SCUBE1: variants seen among roughly 807,000 people sequenced by gnomAD.
SCUBE1 encodes the protein signal peptide, CUB and EGF-like domain-containing protein 1.
SCUBE1 carries 59 observed loss-of-function variants against 124.4 expected under a neutral mutation model. That is an observed-to-expected ratio of 0.47 (90% CI 0.38 to 0.59). SCUBE1 has a LOEUF of 0.59. Among genes scored for constraint, SCUBE1 ranks in the 20% least tolerant of loss-of-function variants. The probability of loss-of-function intolerance (pLI) is 0.00; values close to 1 mark genes in which losing one functional copy is unlikely to be tolerated. For synonymous variants in SCUBE1, 545 were observed against 550.9 expected, an observed-to-expected ratio of 0.99 and a Z score of 0.15; for missense variants, 1,150 against 1,371.2, an observed-to-expected ratio of 0.84 and a Z score of 2.55.
rs35852531 is a variant in SCUBE1, at chr22:43,211,520, CTTTT to C, written c.2222-441_2222-438del. On this transcript the variant is annotated intron_variant, in intron 17 of 21. Transcript: ENST00000360835. The surrounding 1 kb of genome is among the most constrained non-coding windows in gnomAD (Gnocchi z 4.5). ...GGCGGGGGGCTAGAGATGGGCAATTCTTTTTTTTTTTTTTTGAGATGGAGCTCGC... is the reference window on the plus strand; with the variant it reads ...GGCGGGGGGCTAGAGATGGGCAATTCTTTTTTTTTTTGAGATGGAGCTCGC... Among the ~76,000 whole-genome samples, 1 of 136,998 alleles carries C rather than the reference CTTTT, an allele frequency of 7.3e-6. No homozygotes were observed. The highest frequency in any genetic ancestry group is 1.6e-5 in the Non-Finnish European group (1 of 63,388). 89.9% of individuals were successfully genotyped at this position (136,998 alleles called of 152,430 possible). A position where few individuals can be genotyped will look rare whatever the true frequency, so the allele number is the denominator to read the frequency against.
Position 43,234,713 on chromosome 22 carries a change from C to G in SCUBE1, c.845-2838G>C, listed in dbSNP as rs961085306. ...GGGTTCCCACCCCACCGCCCCACAC[C>G]AGGCAGCCAGCACCACCTTCCGCAC... On this transcript the variant is annotated intron_variant, in intron 7 of 21. Transcript: ENST00000360835. The surrounding 1 kb of genome is among the most constrained non-coding windows in gnomAD (Gnocchi z 4.4). Among the ~76,000 whole-genome samples the G allele has an allele frequency of 2.6e-5, 4 of 152,214 alleles. No homozygotes were observed. The highest frequency in any genetic ancestry group is 9.6e-5 in the African/African-American group (4 of 41,452).
chr22:43,235,756 C>T (rs1922735005), intron 7 of SCUBE1, among the ~76,000 whole-genome samples: 1 of 152,200 alleles, frequency 6.6e-6, no homozygotes, highest in Admixed American at 6.5e-5. Context: ...CAACTCCTCA[C>T]TTGCCAACGG....
chr22:43,292,633 CAT>C (rs1241318950), intron 3 of SCUBE1, among the ~76,000 whole-genome samples: 4 of 150,252 alleles, frequency 2.7e-5, no homozygotes, highest in African/African-American at 9.9e-5. Context: ...TTCTTTTTAA[CAT>C]AGACATCTTT....
Position 43,230,977 on chromosome 22 carries a change from C to A in SCUBE1, c.967+776G>T, listed in dbSNP as rs545213512. On this transcript the variant is annotated intron_variant, in intron 8 of 21. Coordinates refer to ENST00000360835, the MANE Select transcript of SCUBE1 (RefSeq NM_173050.5). ...CCCCGTGGGCAAAAAACCACCAGAG[C>A]ACAGCTGGATAATCGTCAGGGAAAG... Among the ~76,000 whole-genome samples, 9 of 152,342 alleles carry A rather than the reference C, an allele frequency of 5.9e-5. 1 individual carries two copies. The South Asian group carries it at 1.9e-3, about 32-fold the overall frequency.
chr22:43,306,033 G>A (rs1159249498), intron 3 of SCUBE1, among the ~76,000 whole-genome samples: 27 of 152,226 alleles, frequency 1.8e-4, no homozygotes, highest in Non-Finnish European at 4.4e-5. Context: ...GCTGGAACCT[G>A]TCCCGGTGCT....
Position 43,291,170 on chromosome 22 carries a change from C to T in SCUBE1, c.360G>A (p.Glu120=). 2.5e-6 allele frequency: 4 copies of T among 1,609,906 alleles called. No individual in the cohort carries two copies. The highest frequency in any genetic ancestry group is 3.4e-6 in the Non-Finnish European group (4 of 1,176,424). Residue 120 remains glutamate (E), a synonymous_variant, in exon 4 of 22, where the codon GAG becomes GAA. Coordinates refer to ENST00000360835, the MANE Select transcript of SCUBE1 (RefSeq NM_173050.5). ...GGCAGCCACCATTATTGTCCTGACA[C>T]TCGTCCACATCTGTGAGAAAAGGAA... is the stretch of plus-strand genomic sequence containing the variant. ...HDGHNCLDVD[E]CQDNNGGCQQ...
At chr22:43,287,758 G>A (rs1223080241) in intron 4 of SCUBE1, among the ~76,000 whole-genome samples, 1 of 152,242 alleles carries the variant, frequency 6.6e-6, no homozygotes, top group Non-Finnish European at 1.5e-5. Context: ...GGAGCTATGG[G>A]AATCAGAGGT....
At chr22:43,225,572 C>T (rs939848298) in intron 10 of SCUBE1, among the ~76,000 whole-genome samples, 3 of 150,304 alleles carry the variant, frequency 2.0e-5, no homozygotes, top group Non-Finnish European at 4.4e-5. Context: ...GTCAGGAGGT[C>T]GAGACCAGCC....
chr22:43,221,021 T>C, intron 13 of SCUBE1, 152 bp downstream of exon 13: 1 of 624,150 alleles, frequency 1.6e-6, no homozygotes, highest in Non-Finnish European at 2.8e-6. Context: ...TGCAATGTCC[T>C]TGGAAACTCT....
intron 3 of SCUBE1, among the ~76,000 whole-genome samples, chr22:43,303,965 CT>C (rs1925869307): frequency 6.6e-6 from 1 of 152,234 alleles, no homozygotes; most frequent in Non-Finnish European, 1.5e-5. Context: ...TTCTGACTCG[CT>C]GCTTTGTGCA....
rs370462092 is a variant in SCUBE1, at chr22:43,281,418, T to C, written c.484+9628A>G. 3.0e-3 allele frequency among the ~76,000 whole-genome samples: 229 copies of C among 76,154 alleles called. 8 individuals are homozygous for C. The highest frequency in any genetic ancestry group is 0.023 in the South Asian group (39 of 1,670). The allele number at this position is 76,154 out of a possible 152,430, so 50.0% of individuals were successfully genotyped here. A position where few individuals can be genotyped will look rare whatever the true frequency, so the allele number is the denominator to read the frequency against. On this transcript the variant is annotated intron_variant, in intron 4 of 21. Transcript: ENST00000360835. ...GCTATCCTGTCACCTCCCTCAGCCA[T>C]CCTCCTGTCACCTCCCTTGGCCACC...
At chr22:43,266,807 G>A (rs1016108222) in intron 4 of SCUBE1, among the ~76,000 whole-genome samples, 3 of 152,144 alleles carry the variant, frequency 2.0e-5, no homozygotes, top group African/African-American at 4.8e-5. Context: ...AGAGCCCAGC[G>A]AAATCCAAGG....
At chr22:43,229,726 G>A (rs79703775) in intron 8 of SCUBE1, among the ~76,000 whole-genome samples, 1 of 152,174 alleles carries the variant, frequency 6.6e-6, no homozygotes, top group African/African-American at 2.4e-5. Context: ...CAAAAAGGGA[G>A]CTCTGATAGA....
chr22:43,330,812 G>A (rs1008608133), intron 2 of SCUBE1, among the ~76,000 whole-genome samples: 6 of 152,224 alleles, frequency 3.9e-5, no homozygotes, highest in African/African-American at 9.6e-5. Flanking sequence ...ACAGCAACTT[G>A]GAATTTTAAG....
intron 21 of SCUBE1, 121 bp from the exon 22 acceptor site, chr22:43,204,270 CCTT>C: frequency 1.3e-6 from 1 of 785,178 alleles, no homozygotes; most frequent in Non-Finnish European, 2.1e-6. Context: ...ACCCCACAGA[CCTT>C]CTTTTGGTTT....
chr22:43,200,463 C>G lies in SCUBE1; in HGVS notation c.*3534G>C, dbSNP rs968863728. The G allele has an allele frequency of 1.3e-5, 2 of 152,428 alleles. No individual in the cohort carries two copies. Among genetic ancestry groups the G allele is most frequent in the South Asian group, 4.1e-4 (2 of 4,832 alleles). The allele number at this position is 152,428 out of a possible 1,614,324, so 9.4% of individuals were successfully genotyped here. On this transcript the variant is annotated 3_prime_UTR_variant, in exon 22 of 22. Coordinates refer to ENST00000360835, the MANE Select transcript of SCUBE1 (RefSeq NM_173050.5). ...CCCCACTTCCCTTTTCTCTACACCT[C>G]CATCTTGAACCAGGTGGAATAGCCA...
intron 10 of SCUBE1, among the ~76,000 whole-genome samples, chr22:43,226,339 G>T (rs978001060): frequency 1.1e-4 from 17 of 152,194 alleles, no homozygotes. Context: ...GGGTGCGGAA[G>T]TGGCCAAGGC....
At chr22:43,318,486 G>A (rs1422729647) in intron 3 of SCUBE1, 1 of 152,252 alleles carries the variant, frequency 6.6e-6, no homozygotes, top group Admixed American at 6.5e-5. Context: ...TCCAGGCTGG[G>A]TGACAGAGTA....
chr22:43,218,446 G>A lies in SCUBE1; in HGVS notation c.1700C>T (p.Ala567Val), dbSNP rs762401550. ...TTCTGCTCGCTTCCGCAAGCAGTCC[G>A]CTTCGCATGTGTCTGCAGGGGCAGG... Reference protein sequence around the residue: ...KMEEASDTCEADCLRKRAEQS... With the variant: ...KMEEASDTCEVDCLRKRAEQS... Residue 567 changes from alanine (A) to valine (V), a missense_variant, in exon 15 of 22, where the codon GCG becomes GTG. By Grantham distance (64) the Ala-to-Val change is moderately conservative (BLOSUM62 0). This residue lies in a region of SCUBE1 where 757 missense variants were observed against 840.9 expected (regional missense o/e 0.90). Coordinates refer to ENST00000360835, the MANE Select transcript of SCUBE1 (RefSeq NM_173050.5). 20 of 1,611,424 alleles carry A rather than the reference G, an allele frequency of 1.2e-5. No individual in the cohort carries two copies. Among genetic ancestry groups the A allele is most frequent in the East Asian group, 6.7e-5 (3 of 44,898 alleles).
Sources: gnomAD v4.1 joint callset for allele counts (sites outside exome capture counted in the v4.1 genomes callset) on GRCh38, gnomAD v4.1.1 for gene constraint, gnomAD v4.1.1 regional missense constraint, Gnocchi (gnomAD v3.1) non-coding constraint, MANE v1.5 for transcripts, NCBI Gene and HGNC (gene_info 2026-07-23, HGNC 2026-07-21) for gene names.